Variants in BDKRB2 observed in about 807,000 individuals in gnomAD.
The protein encoded by BDKRB2 is B2 bradykinin receptor.
A neutral mutation model predicts 4.0 loss-of-function variants in BDKRB2; 6 were observed. That is an observed-to-expected ratio of 1.49 (90% CI 0.81 to 2.93). BDKRB2 has a LOEUF of 2.93. Among genes scored for constraint, BDKRB2 ranks in the 30% most tolerant of loss-of-function variants. The pLI, the probability that BDKRB2 is intolerant of heterozygous loss-of-function variation, is 0.00. For synonymous variants in BDKRB2, 225 were observed against 215.3 expected (o/e 1.05, Z -0.40); for missense variants, 478 against 520.1 (o/e 0.92, Z 0.79).
At chr14:96,217,195 G>A (rs1055764025) in intron 1 of BDKRB2, among the ~76,000 whole-genome samples, 4 of 152,348 alleles carry the variant, frequency 2.6e-5, no homozygotes, top group East Asian at 1.9e-4. Context: ...GACTGATGGT[G>A]TGTGACAATC....
chr14:96,238,363 G>T, intron 2 of BDKRB2: 2 of 724,794 alleles, frequency 2.8e-6, no homozygotes, highest in Non-Finnish European at 3.4e-6. Flanking sequence ...CACCATCCCT[G>T]CCACCATTAG....
intron 2 of BDKRB2, chr14:96,239,254 T>C: frequency 1.0e-6 from 1 of 978,176 alleles, no homozygotes; most frequent in Non-Finnish European, 1.2e-6. Flanking sequence ...CTCTTCAGCT[T>C]GAATGTTGCA....
chr14:96,239,536 G>A (rs1006513135), intron 2 of BDKRB2: 7 of 985,234 alleles, frequency 7.1e-6, no homozygotes, highest in Non-Finnish European at 7.2e-6. Context: ...ACCAACAAAC[G>A]GTGGTGTTGG....
At chr14:96,219,471 G>A (rs8015789) in intron 1 of BDKRB2, among the ~76,000 whole-genome samples, 1,702 of 152,016 alleles carry the variant, frequency 0.011, 47 homozygotes, top group African/African-American at 0.039. Context: ...TGCCCTTGGG[G>A]ACTTCTGGAC....
intron 1 of BDKRB2, among the ~76,000 whole-genome samples, chr14:96,215,834 C>T (rs1388219078): frequency 2.0e-5 from 3 of 152,162 alleles, no homozygotes; most frequent in African/African-American, 7.2e-5. Flanking sequence ...TCCCTTCTTA[C>T]AGATAAGGAA....
chr14:96,216,335 C>G (rs904004392), intron 1 of BDKRB2, among the ~76,000 whole-genome samples: 1 of 152,038 alleles, frequency 6.6e-6, no homozygotes, highest in Non-Finnish European at 1.5e-5. Context: ...CCTCCCACCT[C>G]CCCGCAAGAA....
In BDKRB2 at chr14:96,240,882, C is replaced by T. The variant is rs749275929; in HGVS notation, c.554C>T (p.Thr185Met). The part of the protein sequence containing the change: ...KLYSLVIWGC[T>M]LLLSSPMLVF... ...TACAGCTTGGTGATCTGGGGGTGTA[C>T]GCTGCTCCTGAGCTCACCCATGCTG... The change falls in exon 3 of 3, where the codon ACG (threonine) becomes ATG (methionine). Residue 185 changes from threonine (T) to methionine (M), a missense_variant. Physicochemically the swap from Thr to Met is moderately conservative, Grantham distance 81. Transcript: ENST00000554311. 8.8e-6 allele frequency: 14 copies of T among 1,592,572 alleles called. No individual in the cohort carries two copies. Among genetic ancestry groups the T allele is most frequent in the South Asian group, 4.7e-5 (4 of 85,898 alleles).
At position 96,240,776 on chromosome 14, in the gene BDKRB2, C is replaced by A; in HGVS notation, c.448C>A (p.Leu150Met). ...GTACAGCAGCATCTGTTTCCTGATG[C>A]TGGTGAGCATCGACCGCTACCTGGC... The part of the protein sequence containing the change: ...NLYSSICFLM[L>M]VSIDRYLALV... The change falls in exon 3 of 3, where the codon CTG (leucine) becomes ATG (methionine). Residue 150 changes from leucine to methionine, a missense_variant. Leu to Met is a conservative substitution (Grantham distance 15). Transcript: ENST00000554311. The A allele has an allele frequency of 6.4e-7, 1 of 1,561,878 alleles. No individual in the cohort carries two copies.
rs374968712 is a variant in BDKRB2, at chr14:96,227,558, A to C, written c.-39-9511A>C. Among the ~76,000 whole-genome samples, 15 of 151,950 alleles carry C rather than the reference A, an allele frequency of 9.9e-5. No individual in the cohort carries two copies. The East Asian group carries it at 1.9e-3, about 20-fold the overall frequency. On this transcript the variant is annotated intron_variant, in intron 1 of 2. Transcript: ENST00000554311. The stretch of plus-strand genomic sequence containing the variant: ...ACGTGTACACACACGTGCACACACA[A>C]ACACACACATGTGTGCACAAACACA...
intron 1 of BDKRB2, chr14:96,214,533 G>A (rs1018148220): frequency 1.3e-5 from 2 of 152,322 alleles, no homozygotes; most frequent in Non-Finnish European, 2.9e-5. Flanking sequence ...GACCGGCAGA[G>A]CTGGGATTTG....
chr14:96,207,086 G>A (rs1566686225), intron 1 of BDKRB2, among the ~76,000 whole-genome samples: 1 of 152,154 alleles, frequency 6.6e-6, no homozygotes, highest in Non-Finnish European at 1.5e-5. Context: ...CCAGCTTGGA[G>A]ATTAAGTCTC....
In BDKRB2 at chr14:96,238,191, G is replaced by A. The variant is rs918652903; in HGVS notation, c.74+1010G>A. ...TAGGAAACCAGGAGCCACCAAAAGCGTAACTGGGGCCAGAGGATCCACTTT... is the reference window on the plus strand; with the variant it reads ...TAGGAAACCAGGAGCCACCAAAAGCATAACTGGGGCCAGAGGATCCACTTT... On this transcript the variant is annotated intron_variant, in intron 2 of 2. Transcript: ENST00000554311. The A allele has an allele frequency of 5.4e-5, 41 of 763,728 alleles. No individual in the cohort carries two copies. The African/African-American group carries it at 5.5e-4, about 10-fold the overall frequency. The allele number at this position is 763,728 out of a possible 1,614,324, so 47.3% of individuals were successfully genotyped here. A position where few individuals can be genotyped will look rare whatever the true frequency, so the allele number is the denominator to read the frequency against.
intron 1 of BDKRB2, among the ~76,000 whole-genome samples, chr14:96,218,648 T>G (rs1444039595): frequency 6.6e-6 from 1 of 152,162 alleles, no homozygotes; most frequent in African/African-American, 2.4e-5. Context: ...CTGGGCATGG[T>G]GGCTCATGCC....
intron 1 of BDKRB2, among the ~76,000 whole-genome samples, chr14:96,206,138 C>T (rs753880385): frequency 2.6e-5 from 4 of 152,230 alleles, no homozygotes; most frequent in African/African-American, 7.2e-5. Context: ...GTCCTTCGGG[C>T]CCTGGCAGCA....
At chr14:96,223,186 G>A in intron 1 of BDKRB2, 4 of 1,141,964 alleles carry the variant, frequency 3.5e-6, no homozygotes, top group Non-Finnish European at 2.7e-6. Flanking sequence ...GCTGCCCAAG[G>A]ACATAGCCAA....
intron 1 of BDKRB2, among the ~76,000 whole-genome samples, chr14:96,213,452 T>C (rs1401366918): frequency 1.3e-5 from 2 of 151,512 alleles, no homozygotes; most frequent in African/African-American, 4.9e-5. Flanking sequence ...TGTGGCAGGA[T>C]CTCCACTCTT....
At chr14:96,215,769 C>T (rs1890403093) in intron 1 of BDKRB2, among the ~76,000 whole-genome samples, 1 of 152,208 alleles carries the variant, frequency 6.6e-6, no homozygotes. Context: ...TCATCAGATG[C>T]AATTTCTTAT....
At chr14:96,227,354 A>T (rs1890719793) in intron 1 of BDKRB2, among the ~76,000 whole-genome samples, 1 of 152,200 alleles carries the variant, frequency 6.6e-6, no homozygotes, top group African/African-American at 2.4e-5. Flanking sequence ...CATTTGACAC[A>T]TGAAGAAACT....
At chr14:96,231,302 T>G (rs1890813852) in intron 1 of BDKRB2, among the ~76,000 whole-genome samples, 1 of 152,206 alleles carries the variant, frequency 6.6e-6, no homozygotes, top group Non-Finnish European at 1.5e-5. Context: ...TGGGATTGAA[T>G]CAAATCTTCT....
Sources: gnomAD v4.1 joint callset for allele counts (sites outside exome capture counted in the v4.1 genomes callset) on GRCh38, gnomAD v4.1.1 for gene constraint, MANE v1.5 for transcripts, NCBI Gene and HGNC (gene_info 2026-07-23, HGNC 2026-07-21) for gene names.